Variants in ASTN2 observed in about 807,000 individuals in gnomAD.
The protein encoded by ASTN2 is astrotactin 2.
In ASTN2, 54 loss-of-function variants were observed where a neutral mutation model predicts 139.8. That is an observed-to-expected ratio of 0.39 (90% CI 0.31 to 0.48). ASTN2 has a LOEUF of 0.48. Ranked by LOEUF, ASTN2 falls within the 20% of genes least tolerant of loss-of-function variation. ASTN2 has a pLI of 0.95. For missense variants in ASTN2, 1,565 were observed against 1,725.1 expected (o/e 0.91, Z 1.64); for synonymous variants, 756 against 719.5 (o/e 1.05, Z -0.81).
intron 2 of ASTN2, among the ~76,000 whole-genome samples, chr9:117,225,499 G>T (rs1038533077): frequency 7.3e-6 from 1 of 137,248 alleles, no homozygotes; most frequent in Non-Finnish European, 1.6e-5. Context: ...TGGGTCATGA[G>T]GTTAGGAGTT....
chr9:116,887,233 A>G (rs1041588445), intron 10 of ASTN2, among the ~76,000 whole-genome samples: 5 of 152,148 alleles, frequency 3.3e-5, no homozygotes, highest in Non-Finnish European at 7.3e-5. Flanking sequence ...TGAGACAGCC[A>G]GGGGAGACAG....
chr9:116,910,688 G>GA (rs112851612), intron 10 of ASTN2, among the ~76,000 whole-genome samples: 55 of 150,340 alleles, frequency 3.7e-4, no homozygotes, highest in Non-Finnish European at 5.5e-4. Context: ...CATCATAAAA[G>GA]AAAAAAAAAC....
chr9:116,768,525 T>C (rs1476684062), intron 13 of ASTN2, among the ~76,000 whole-genome samples: 7 of 152,220 alleles, frequency 4.6e-5, no homozygotes, highest in African/African-American at 1.7e-4. Flanking sequence ...TCTACCTACA[T>C]TTCCCCTAGA....
At chr9:116,826,653 A>T (rs1831634890) in intron 11 of ASTN2, among the ~76,000 whole-genome samples, 1 of 151,986 alleles carries the variant, frequency 6.6e-6, no homozygotes, top group African/African-American at 2.4e-5. Flanking sequence ...GGGCCCCAAA[A>T]TCTACCCATA....
chr9:117,355,346 A>C (rs1467942097), intron 1 of ASTN2, among the ~76,000 whole-genome samples: 1 of 152,238 alleles, frequency 6.6e-6, no homozygotes, highest in African/African-American at 2.4e-5. Context: ...GGACAAAAAT[A>C]ATACTATGTG....
At chr9:117,013,611 C>A (rs1026299931) in intron 6 of ASTN2, among the ~76,000 whole-genome samples, 1 of 151,898 alleles carries the variant, frequency 6.6e-6, no homozygotes, top group Non-Finnish European at 1.5e-5. Context: ...GGGGACTGCA[C>A]GGGCACGGAG....
At chr9:117,199,428 T>C (rs1230410898) in intron 3 of ASTN2, among the ~76,000 whole-genome samples, 1 of 152,168 alleles carries the variant, frequency 6.6e-6, no homozygotes, top group Admixed American at 6.5e-5. Flanking sequence ...GATCAGATGG[T>C]TGTAGATGTG....
At position 117,238,523 on chromosome 9, in the gene ASTN2, C is replaced by CAGCTCT. The variant is rs1833113468; in HGVS notation, c.631-23787_631-23782dup. On this transcript the variant is annotated intron_variant, in intron 2 of 22. Transcript: ENST00000313400. ...TGTATACTGATAAATCCAAGGCCAA[C>CAGCTCT]AGCTCTGGCTCTGGCCCAGGCTATG... 5.3e-5 allele frequency among the ~76,000 whole-genome samples: 8 copies of CAGCTCT among 152,236 alleles called. 1 individual carries two copies. Among genetic ancestry groups the CAGCTCT allele is most frequent in the Admixed American group, 5.2e-4 (8 of 15,286 alleles).
At chr9:116,653,469 G>A (rs569849854) in intron 16 of ASTN2, among the ~76,000 whole-genome samples, 39 of 152,310 alleles carry the variant, frequency 2.6e-4, no homozygotes, top group Admixed American at 7.8e-4. Flanking sequence ...TTGTACAACC[G>A]ACAGGGTTCC....
chr9:117,399,276 T>G (rs1431254874), intron 1 of ASTN2, among the ~76,000 whole-genome samples: 1 of 152,098 alleles, frequency 6.6e-6, no homozygotes, highest in East Asian at 1.9e-4. Flanking sequence ...AAATAACTGT[T>G]TTGGGGGGAG....
At chr9:116,803,789 G>A (rs1218576661) in intron 13 of ASTN2, among the ~76,000 whole-genome samples, 1 of 151,416 alleles carries the variant, frequency 6.6e-6, no homozygotes, top group East Asian at 1.9e-4. Flanking sequence ...CTCCCAAAGT[G>A]CTGGGATTAC....
chr9:117,382,261 C>G (rs1830293564), intron 1 of ASTN2, among the ~76,000 whole-genome samples: 1 of 152,104 alleles, frequency 6.6e-6, no homozygotes, highest in Non-Finnish European at 1.5e-5. Context: ...ATGGAGGGAA[C>G]AGAGTATGAC....
intron 3 of ASTN2, among the ~76,000 whole-genome samples, chr9:117,171,731 A>C (rs1022515383): frequency 2.0e-5 from 3 of 151,772 alleles, no homozygotes; most frequent in South Asian, 2.1e-4. Flanking sequence ...CTCCTTCTTC[A>C]CCTTCGGCCA....
At chr9:116,475,661 T>C (rs1488973783) in intron 20 of ASTN2, among the ~76,000 whole-genome samples, 1 of 152,228 alleles carries the variant, frequency 6.6e-6, no homozygotes, top group African/African-American at 2.4e-5. Context: ...GCGTTCTTCA[T>C]GGTCATCATT....
intron 6 of ASTN2, among the ~76,000 whole-genome samples, chr9:117,017,298 G>A (rs1397993989): frequency 2.6e-5 from 4 of 151,748 alleles, no homozygotes; most frequent in Admixed American, 2.0e-4. Flanking sequence ...GGGAATTTAG[G>A]CATCAGACCC....
intron 2 of ASTN2, among the ~76,000 whole-genome samples, chr9:117,218,725 G>A (rs558850520): frequency 1.3e-5 from 2 of 152,120 alleles, no homozygotes; most frequent in Admixed American, 6.5e-5. Context: ...TCAGTAAATC[G>A]GAGTTGGCCA....
chr9:116,437,294 G>A (rs1197410173), intron 22 of ASTN2: 2 of 471,258 alleles, frequency 4.2e-6, no homozygotes, highest in South Asian at 1.5e-5. Context: ...GGGTTGCACA[G>A]TGAGCTTATT....
chr9:117,407,712 G>C (rs1202812741), intron 1 of ASTN2, among the ~76,000 whole-genome samples: 1 of 152,210 alleles, frequency 6.6e-6, no homozygotes, highest in Non-Finnish European at 1.5e-5. Flanking sequence ...AAAAGCCAGT[G>C]AAAGGAGAGA....
chr9:116,767,724 G>T (rs923293387), intron 13 of ASTN2, among the ~76,000 whole-genome samples: 4 of 152,138 alleles, frequency 2.6e-5, no homozygotes, highest in African/African-American at 9.7e-5. Context: ...GAACCCTCGT[G>T]AGCAGGGGTC....
Sources: gnomAD v4.1 joint callset for allele counts (sites outside exome capture counted in the v4.1 genomes callset) on GRCh38, gnomAD v4.1.1 for gene constraint, MANE v1.5 for transcripts, NCBI Gene and HGNC (gene_info 2026-07-23, HGNC 2026-07-21) for gene names.